Variants in RAB38 observed in about 807,000 individuals in gnomAD.
RAB38 encodes the protein RAB38, member RAS oncogene family, also known as ras-related protein Rab-38.
A neutral mutation model predicts 18.4 loss-of-function variants in RAB38; 15 were observed. That is an observed-to-expected ratio of 0.82 (90% CI 0.55 to 1.26). The LOEUF is 1.26. RAB38 is among the 50% of genes most tolerant of loss of function. RAB38 has a pLI of 0.00. For synonymous variants in RAB38, 101 were observed against 104.4 expected, an observed-to-expected ratio of 0.97 and a Z score of 0.20; for missense variants, 294 against 267.4, an observed-to-expected ratio of 1.10 and a Z score of -0.69.
chr11:88,006,202 G>A, the RAB38 span, among the ~76,000 whole-genome samples: 2 of 151,252 alleles, frequency 1.3e-5, no homozygotes, highest in African/African-American at 2.4e-5. Flanking sequence ...AATCTCCAGG[G>A]AAATGCAAAT....
chr11:88,032,963 A>G, the RAB38 span, among the ~76,000 whole-genome samples: 1 of 152,200 alleles, frequency 6.6e-6, no homozygotes, highest in Non-Finnish European at 1.5e-5. Context: ...AATAGCAAAG[A>G]CTTGGAACCA....
the RAB38 span, among the ~76,000 whole-genome samples, chr11:87,808,976 C>A: frequency 6.6e-6 from 1 of 151,874 alleles, no homozygotes; most frequent in African/African-American, 2.4e-5. Flanking sequence ...AGCACATAGC[C>A]TCTAAATTGG....
At chr11:87,912,635 G>A in the RAB38 span, among the ~76,000 whole-genome samples, 1 of 151,390 alleles carries the variant, frequency 6.6e-6, no homozygotes, top group African/African-American at 2.4e-5. Flanking sequence ...CAGACTCATT[G>A]ATCTCTTTAA....
the RAB38 span, among the ~76,000 whole-genome samples, chr11:88,099,175 A>C: frequency 1.3e-5 from 2 of 152,066 alleles, no homozygotes; most frequent in South Asian, 4.1e-4. Flanking sequence ...ACGTAATTGA[A>C]ATAGAATGAG....
At chr11:88,134,038 A>G (rs1942799979) in intron 2 of RAB38, among the ~76,000 whole-genome samples, 2 of 152,214 alleles carry the variant, frequency 1.3e-5, no homozygotes, top group African/African-American at 2.4e-5. Context: ...AATATTACCT[A>G]TACATACATA....
chr11:87,930,254 A>G, the RAB38 span, among the ~76,000 whole-genome samples: 7 of 152,302 alleles, frequency 4.6e-5, no homozygotes, highest in African/African-American at 1.7e-4. Context: ...AATGATCGCC[A>G]TTCTAACTGG....
the RAB38 span, among the ~76,000 whole-genome samples, chr11:87,976,733 AATAT>A: frequency 2.5e-5 from 3 of 119,146 alleles, no homozygotes; most frequent in Admixed American, 9.9e-5. Context: ...TATTTTATAT[AATAT>A]ATATTTATAT....
the RAB38 span, among the ~76,000 whole-genome samples, chr11:88,076,486 A>G: frequency 6.6e-6 from 1 of 152,290 alleles, no homozygotes; most frequent in South Asian, 2.1e-4. Context: ...CAAATTAGCT[A>G]TGTTCACAGA....
chr11:88,030,064 G>A, the RAB38 span, among the ~76,000 whole-genome samples: 1 of 152,034 alleles, frequency 6.6e-6, no homozygotes, highest in Non-Finnish European at 1.5e-5. Flanking sequence ...TAGAACTCAG[G>A]ATTAAGAATC....
chr11:88,024,448 G>C, the RAB38 span, among the ~76,000 whole-genome samples: 1,284 of 152,308 alleles, frequency 8.4e-3, 18 homozygotes, highest in African/African-American at 0.03. Flanking sequence ...ATGTATATTA[G>C]TACAACCACT....
At chr11:88,062,875 C>T in the RAB38 span, among the ~76,000 whole-genome samples, 1 of 152,158 alleles carries the variant, frequency 6.6e-6, no homozygotes, top group African/African-American at 2.4e-5. Context: ...TTGTCAAACC[C>T]CAGCTGTTAA....
At chr11:88,056,119 T>C in the RAB38 span, among the ~76,000 whole-genome samples, 1 of 152,188 alleles carries the variant, frequency 6.6e-6, no homozygotes, top group Non-Finnish European at 1.5e-5. Flanking sequence ...TGTAAAAGCT[T>C]GTTCATCATC....
chr11:87,804,863 A>T, the RAB38 span, among the ~76,000 whole-genome samples: 9 of 152,194 alleles, frequency 5.9e-5, no homozygotes, highest in Admixed American at 1.3e-4. Context: ...CATTCCATGT[A>T]AACAAAACTG....
chr11:88,051,352 G>T, the RAB38 span, among the ~76,000 whole-genome samples: 1 of 152,126 alleles, frequency 6.6e-6, no homozygotes, highest in South Asian at 2.1e-4. Context: ...GCATAGATCT[G>T]ATTCTAATCA....
the RAB38 span, among the ~76,000 whole-genome samples, chr11:88,031,197 C>G: frequency 9.9e-5 from 15 of 152,164 alleles, no homozygotes; most frequent in African/African-American, 3.4e-4. Flanking sequence ...GCTAAAAACT[C>G]TCAGCAAATT....
chr11:87,822,674 A>G, the RAB38 span, among the ~76,000 whole-genome samples: 1 of 152,252 alleles, frequency 6.6e-6, no homozygotes. Flanking sequence ...CACAAGCCAC[A>G]GTCTTTTTAT....
the RAB38 span, among the ~76,000 whole-genome samples, chr11:88,013,353 A>C: frequency 6.6e-6 from 1 of 152,142 alleles, no homozygotes; most frequent in Non-Finnish European, 1.5e-5. Flanking sequence ...GTTCAGAGTA[A>C]GTATATGTTC....
intron 2 of RAB38, among the ~76,000 whole-genome samples, chr11:88,114,419 C>T (rs1942520242): frequency 6.6e-6 from 1 of 152,182 alleles, no homozygotes; most frequent in African/African-American, 2.4e-5. Context: ...TTCTTATTTT[C>T]ACATTTTCAC....
At chr11:88,068,689 A>G in the RAB38 span, among the ~76,000 whole-genome samples, 17,579 of 152,234 alleles carry the variant, frequency 0.12, 2,021 homozygotes, top group East Asian at 0.33. Context: ...TGACAAGTCA[A>G]CTTTCTCAGT....
Sources: gnomAD v4.1 joint callset for allele counts (sites outside exome capture counted in the v4.1 genomes callset) on GRCh38, gnomAD v4.1.1 for gene constraint, MANE v1.5 for transcripts, NCBI Gene and HGNC (gene_info 2026-07-23, HGNC 2026-07-21) for gene names.